DMD: variants seen among roughly 807,000 people sequenced by gnomAD.
DMD encodes dystrophin.
Under a neutral mutation model 330.1 loss-of-function variants are expected in DMD, and 63 were observed. The observed-to-expected ratio is 0.19, with a 90% confidence interval of 0.16 to 0.24. DMD has a LOEUF of 0.24. DMD is among the 10% of genes least tolerant of loss of function. DMD has a pLI of 1.00. For synonymous variants in DMD, 1,223 were observed against 959.8 expected, an observed-to-expected ratio of 1.27 and a Z score of -5.07; for missense variants, 3,344 against 2,684.1, an observed-to-expected ratio of 1.25 and a Z score of -5.43.
chrX:32,592,153 C>G (rs947176783), intron 13 of DMD, among the ~76,000 whole-genome samples: 1 of 111,093 alleles, frequency 9.0e-6, no homozygotes, highest in Non-Finnish European at 1.9e-5. Context: ...GGCTCCTGGG[C>G]AGAAAGGAGC....
At chrX:31,343,612 TGTGTGTGAGAGA>T (rs1314838181) in intron 61 of DMD, among the ~76,000 whole-genome samples, 2 of 95,762 alleles carry the variant, frequency 2.1e-5, no homozygotes, top group African/African-American at 7.8e-5. Context: ...TGTGTGTGTG[TGTGTGTGAGAGA>T]GAGAGAGAGA....
intron 54 of DMD, 41 bp from the exon 55 acceptor site, chrX:31,627,903 A>C: frequency 8.8e-7 from 1 of 1,135,615 alleles, no homozygotes; most frequent in Non-Finnish European, 1.2e-6. Flanking sequence ...ATTAAATATC[A>C]GAATGGTGCA....
At chrX:32,917,911 C>A (rs1004327933) in intron 2 of DMD, among the ~76,000 whole-genome samples, 20 of 106,635 alleles carry the variant, frequency 1.9e-4, no homozygotes, top group Admixed American at 5.9e-4. Flanking sequence ...CTGAATGACT[C>A]TGAAAAATGA....
rs1602479748 is a variant in DMD at position 31,184,977 on chromosome X, G to A, written c.9808-2073C>T. The stretch of plus-strand genomic sequence containing the variant: ...TGGGGACTGTTGTGGGGTGGGGGGA[G>A]GGGGGAGGGATAGCATTAGGAGATA... On this transcript the variant is annotated intron_variant, in intron 67 of 78. Transcript: ENST00000357033. Among the ~76,000 whole-genome samples, 3 of 64,158 alleles carry A rather than the reference G, an allele frequency of 4.7e-5. No individual in the cohort carries two copies. The Admixed American group carries it at 5.8e-4, about 12-fold the overall frequency. 55.7% of individuals were successfully genotyped at this position (64,158 alleles called of 115,157 possible).
At chrX:31,476,762 A>G (rs1200859989) in intron 59 of DMD, among the ~76,000 whole-genome samples, 3 of 111,370 alleles carry the variant, frequency 2.7e-5, no homozygotes, top group East Asian at 2.8e-4. Context: ...AGTATCTGAG[A>G]TATGCCAGGC....
intron 9 of DMD, among the ~76,000 whole-genome samples, chrX:32,656,674 A>G (rs1223431951): frequency 8.9e-6 from 1 of 111,883 alleles, no homozygotes; most frequent in African/African-American, 3.2e-5. Flanking sequence ...ATTTTGCTTC[A>G]TCGTTTTTCA....
At chrX:33,045,489 C>G (rs1393962442) in intron 1 of DMD, among the ~76,000 whole-genome samples, 1 of 111,456 alleles carries the variant, frequency 9.0e-6, no homozygotes, top group Non-Finnish European at 1.9e-5. Flanking sequence ...TGACAGAGGT[C>G]AACTGCTTTT....
chrX:32,508,291 T>G (rs2044849215), intron 18 of DMD, among the ~76,000 whole-genome samples: 1 of 111,811 alleles, frequency 8.9e-6, no homozygotes, highest in Non-Finnish European at 1.9e-5. Context: ...TAGGGCACAT[T>G]ACTTTCAAGA....
At chrX:31,879,556 T>C (rs1276665697) in intron 47 of DMD, among the ~76,000 whole-genome samples, 1 of 112,145 alleles carries the variant, frequency 8.9e-6, no homozygotes, top group Non-Finnish European at 1.9e-5. Context: ...AAATTACACT[T>C]TGCATATTTT....
chrX:32,985,551 A>C (rs2092822406), intron 2 of DMD, among the ~76,000 whole-genome samples: 2 of 111,991 alleles, frequency 1.8e-5, no homozygotes, highest in African/African-American at 6.5e-5. Flanking sequence ...TTTAGAATCC[A>C]AGTTTACTCC....
chrX:32,414,920 C>T (rs757885280), intron 29 of DMD, among the ~76,000 whole-genome samples: 3 of 111,949 alleles, frequency 2.7e-5, no homozygotes, highest in Non-Finnish European at 1.9e-5. Context: ...CTAAAATTTA[C>T]ATCAGGTAAT....
intron 61 of DMD, among the ~76,000 whole-genome samples, chrX:31,341,181 G>T (rs1216760560): frequency 8.9e-6 from 1 of 111,926 alleles, no homozygotes; most frequent in Non-Finnish European, 1.9e-5. Flanking sequence ...CACTTGAATA[G>T]CACTTACTAT....
At chrX:31,878,241 G>GA (rs1387584887) in intron 47 of DMD, among the ~76,000 whole-genome samples, 1 of 111,625 alleles carries the variant, frequency 9.0e-6, no homozygotes, top group Non-Finnish European at 1.9e-5. Context: ...TATCCTCTCA[G>GA]ATCTTGTCTT....
chrX:32,698,058 G>A lies in DMD; in HGVS notation c.832-60C>T, dbSNP rs773906897. ...GAGGGGGAAAAACCATAAGTAACCC[G>A]AAAGGACTACTTTCCAACATGGTAG... On this transcript the variant is annotated intron_variant, in intron 8 of 78. Coordinates refer to ENST00000357033, the MANE Select transcript of DMD (RefSeq NM_004006.3). The A allele has an allele frequency of 1.4e-4, 152 of 1,100,693 alleles. No individual in the cohort carries two copies. In the African/African-American group the frequency reaches 2.3e-3, roughly 17 times the overall value. The allele number at this position is 1,100,693 out of a possible 1,213,427, so 90.7% of individuals were successfully genotyped here. A position where few individuals can be genotyped will look rare whatever the true frequency, so the allele number is the denominator to read the frequency against.
intron 9 of DMD, among the ~76,000 whole-genome samples, chrX:32,650,549 T>C (rs1254233559): frequency 8.9e-6 from 1 of 111,960 alleles, no homozygotes; most frequent in Non-Finnish European, 1.9e-5. Flanking sequence ...GGAAATATTC[T>C]TGACACATTT....
intron 3 of DMD, among the ~76,000 whole-genome samples, chrX:32,846,787 C>T (rs1345702917): frequency 1.0e-5 from 1 of 99,978 alleles, no homozygotes; most frequent in African/African-American, 3.7e-5. Context: ...GCAGGTGGCT[C>T]ATTGAGATCA....
intron 44 of DMD, among the ~76,000 whole-genome samples, chrX:32,020,207 G>A (rs1433879957): frequency 8.9e-6 from 1 of 112,300 alleles, no homozygotes; most frequent in Non-Finnish European, 1.9e-5. Flanking sequence ...CTCTCGTAGT[G>A]ATTCAACCTA....
intron 15 of DMD, among the ~76,000 whole-genome samples, chrX:32,572,064 A>G (rs1461211916): frequency 8.9e-6 from 1 of 112,157 alleles, no homozygotes; most frequent in South Asian, 3.6e-4. Context: ...GTTTTCAAAC[A>G]TATACAGGTT....
intron 66 of DMD, 131 bp downstream of exon 66, chrX:31,206,451 C>T: frequency 1.7e-6 from 1 of 594,240 alleles, no homozygotes; most frequent in East Asian, 3.6e-5. Flanking sequence ...TTTTATGACA[C>T]TCTAAAAGCA....
Sources: allele counts gnomAD v4.1 joint callset (sites outside exome capture counted in the v4.1 genomes callset), GRCh38; gene constraint gnomAD v4.1.1; transcripts MANE v1.5; gene names NCBI Gene and HGNC (gene_info 2026-07-23, HGNC 2026-07-21).